FOXN1: variants seen among roughly 807,000 people sequenced by gnomAD.
The protein encoded by FOXN1 is forkhead box N1, also known as forkhead box protein N1.
Under a neutral mutation model 49.0 loss-of-function variants are expected in FOXN1, and 15 were observed. The observed-to-expected ratio is 0.31, with a 90% confidence interval of 0.20 to 0.47. The LOEUF is 0.47. Ranked by LOEUF, FOXN1 falls within the 20% of genes least tolerant of loss-of-function variation. The pLI, the probability that FOXN1 is intolerant of heterozygous loss-of-function variation, is 1.00. For missense variants in FOXN1, 800 were observed against 842.8 expected (o/e 0.95, Z 0.63); for synonymous variants, 356 against 369.0 (o/e 0.96, Z 0.40).
intron 1 of FOXN1, among the ~76,000 whole-genome samples, chr17:28,510,369 G>A (rs2069363417): frequency 6.8e-6 from 1 of 146,436 alleles, no homozygotes; most frequent in Non-Finnish European, 1.5e-5. Flanking sequence ...CATACAGAGA[G>A]ACACACACAG....
intron 1 of FOXN1, among the ~76,000 whole-genome samples, chr17:28,517,817 C>T (rs112562408): frequency 2.9e-3 from 375 of 129,996 alleles, no homozygotes; most frequent in African/African-American, 0.012. Context: ...ACAGGATACA[C>T]ACCTCCACAG....
rs760743167 is a variant in FOXN1 at position 28,524,010 on chromosome 17, C to T, written c.41C>T (p.Pro14Leu). 17 of 1,612,808 alleles carry T rather than the reference C, an allele frequency of 1.1e-5. No homozygotes were observed. The East Asian group carries it at 1.3e-4, about 13-fold the overall frequency. ...LPPPQSDVTL[P>L]GPTRLEGERQ... ...CCGCCGCAGTCTGACGTCACGCTGC[C>T]GGGCCCCACCAGACTGGAGGGCGAG... The change falls in exon 2 of 9, where the codon CCG becomes CTG. Residue 14 changes from proline (P) to leucine (L), a missense_variant. Around this residue, in one of 3 missense-constraint regions of FOXN1, gnomAD observed 383 missense variants for 357.9 expected, o/e 1.07. Coordinates refer to ENST00000579795, the MANE Select transcript of FOXN1 (RefSeq NM_001369369.1).
At chr17:28,528,594 G>A (rs867019384) in intron 4 of FOXN1, among the ~76,000 whole-genome samples, 10 of 152,074 alleles carry the variant, frequency 6.6e-5, no homozygotes, top group African/African-American at 2.2e-4. Context: ...CCGTGGCACC[G>A]CAGCCACTCC....
intron 1 of FOXN1, among the ~76,000 whole-genome samples, 180 bp from the exon 2 acceptor site, chr17:28,523,772 TTCTC>T (rs1457390837): frequency 8.4e-5 from 12 of 142,984 alleles, no homozygotes; most frequent in Non-Finnish European, 1.5e-5. Flanking sequence ...CTATTTCTCT[TTCTC>T]TCTCTCGCTC....
At position 28,529,124 on chromosome 17, in the gene FOXN1, C is replaced by A. The variant is rs1314395526; in HGVS notation, c.730C>A (p.Pro244Thr). ...YSPGGGSYPI[P>T]YLGSSHYQYQ... ...GCCAGGTGGTGGCAGCTACCCCATA[C>A]CCTACCTGGGCTCCTCACACTATCA... Residue 244 changes from proline (P) to threonine (T), a missense_variant, in exon 5 of 9, where the codon CCC (proline) becomes ACC (threonine). Around this residue, in one of 3 missense-constraint regions of FOXN1, gnomAD observed 383 missense variants for 357.9 expected, o/e 1.07. Transcript: ENST00000579795. The A allele has an allele frequency of 6.2e-7, 1 of 1,614,044 alleles. No individual in the cohort carries two copies. The highest frequency in any genetic ancestry group is 8.5e-7 in the Non-Finnish European group (1 of 1,180,028).
At position 28,527,734 on chromosome 17, in the gene FOXN1, G is replaced by A. The variant is rs376922285; in HGVS notation, c.699+373G>A. ...TGAAACACAGGCCGAGCAGGTCGAG[G>A]AACAAGGGCTTCTGTATAGTCAGCC... On this transcript the variant is annotated intron_variant, in intron 4 of 8. Coordinates refer to ENST00000579795, the MANE Select transcript of FOXN1 (RefSeq NM_001369369.1). 7.2e-4 allele frequency among the ~76,000 whole-genome samples: 110 copies of A among 152,322 alleles called. 3 individuals are homozygous for A. In the South Asian group the frequency reaches 0.015, roughly 21 times the overall value.
Position 28,534,514 on chromosome 17 carries a change from G to A in FOXN1, c.1111G>A (p.Val371Met). 6.2e-7 allele frequency: 1 copy of A among 1,613,666 alleles called. No homozygotes were observed. The highest frequency in any genetic ancestry group is 8.5e-7 in the Non-Finnish European group (1 of 1,179,974). Residue 371 changes from valine to methionine, a missense_variant, in exon 7 of 9, where the codon GTG (valine) becomes ATG (methionine). Transcript: ENST00000579795. This position sits in a 1 kb window ranked among gnomAD's most constrained non-coding sequence, Gnocchi z 4.1. The stretch of plus-strand genomic sequence containing the variant: ...ATGGAAGAGGAAAGATCCCATTGCT[G>A]TGCGCAAAAGCATGGCCAAGCCAGG... ...QKWKRKDPIA[V>M]RKSMAKPEEL...
At chr17:28,510,164 C>T (rs2069358405) in intron 1 of FOXN1, among the ~76,000 whole-genome samples, 1 of 152,170 alleles carries the variant, frequency 6.6e-6, no homozygotes, top group African/African-American at 2.4e-5. Context: ...CCACCCCATG[C>T]TCACAGGAGG....
intron 6 of FOXN1, among the ~76,000 whole-genome samples, chr17:28,533,252 C>G (rs1013863620): frequency 1.3e-5 from 2 of 152,170 alleles, no homozygotes; most frequent in African/African-American, 2.4e-5. Flanking sequence ...CGAAGGAGCC[C>G]CACCGGCCAG....
intron 5 of FOXN1, among the ~76,000 whole-genome samples, chr17:28,530,379 T>C (rs899356886): frequency 6.6e-6 from 1 of 152,192 alleles, no homozygotes; most frequent in African/African-American, 2.4e-5. Context: ...TAACTAGTAA[T>C]GACAGCTTCC....
At chr17:28,527,482 G>A (rs1317435000) in intron 4 of FOXN1, 121 bp downstream of exon 4, 2 of 714,640 alleles carry the variant, frequency 2.8e-6, no homozygotes, top group Non-Finnish European at 5.1e-6. Flanking sequence ...AAGGACAGCA[G>A]GGCCCTGAAC....
intron 1 of FOXN1, among the ~76,000 whole-genome samples, chr17:28,517,192 A>G (rs1178447797): frequency 2.1e-5 from 3 of 142,460 alleles, no homozygotes; most frequent in Admixed American, 1.4e-4. Flanking sequence ...ACACCTCCAC[A>G]GGATACACAC....
At chr17:28,536,375 C>T (rs1210079460) in intron 8 of FOXN1, among the ~76,000 whole-genome samples, 3 of 152,222 alleles carry the variant, frequency 2.0e-5, no homozygotes, top group African/African-American at 7.2e-5. Flanking sequence ...TGTGCTTTCT[C>T]ATCTGGGCCT....
intron 1 of FOXN1, among the ~76,000 whole-genome samples, chr17:28,510,175 A>T (rs782066718): frequency 6.6e-6 from 1 of 152,124 alleles, no homozygotes; most frequent in Non-Finnish European, 1.5e-5. Context: ...TCACAGGAGG[A>T]TGCACTGTCA....
At chr17:28,510,562 ACACACACG>A (rs1384190778) in intron 1 of FOXN1, among the ~76,000 whole-genome samples, 19 of 122,450 alleles carry the variant, frequency 1.6e-4, no homozygotes, top group South Asian at 1.3e-3. Flanking sequence ...AAGGACACAC[ACACACACG>A]CACACACACG....
At chr17:28,531,318 G>T (rs186864688) in intron 6 of FOXN1, among the ~76,000 whole-genome samples, 1 of 152,198 alleles carries the variant, frequency 6.6e-6, no homozygotes, top group South Asian at 2.1e-4. Context: ...TGGGTGGCAG[G>T]CTCAGCTGCA....
At chr17:28,535,232 G>A in intron 8 of FOXN1, 34 bp downstream of exon 8, 2 of 1,605,836 alleles carry the variant, frequency 1.2e-6, no homozygotes, top group Non-Finnish European at 1.7e-6. Context: ...AGGTGGGACA[G>A]GACTGGAGAG....
chr17:28,508,532 C>T (rs1370438239), intron 1 of FOXN1, among the ~76,000 whole-genome samples: 4 of 152,160 alleles, frequency 2.6e-5, no homozygotes, highest in Non-Finnish European at 5.9e-5. Context: ...GCTAGGAAGT[C>T]CTTCCTGATG....
chr17:28,516,533 GTACACACCTCCGCAGGA>G (rs2069506227), intron 1 of FOXN1, among the ~76,000 whole-genome samples: 1 of 130,732 alleles, frequency 7.6e-6, no homozygotes, highest in African/African-American at 3.0e-5. Flanking sequence ...CCTCCACAGG[GTACACACCTCCGCAGGA>G]TACACACCTC....
Sources: gnomAD v4.1 joint callset for allele counts (sites outside exome capture counted in the v4.1 genomes callset) on GRCh38, gnomAD v4.1.1 for gene constraint, gnomAD v4.1.1 regional missense constraint, Gnocchi (gnomAD v3.1) non-coding constraint, MANE v1.5 for transcripts, NCBI Gene and HGNC (gene_info 2026-07-23, HGNC 2026-07-21) for gene names.